The following SNX29 variants were observed in gnomAD, a reference collection of about 807,000 sequenced individuals.
SNX29 encodes sorting nexin-29.
A neutral mutation model predicts 102.1 loss-of-function variants in SNX29; 78 were observed. The observed-to-expected ratio is 0.76, with a 90% CI of 0.64 to 0.92. SNX29 has a LOEUF of 0.92. Among genes scored for constraint, SNX29 ranks in the 40% least tolerant of loss-of-function variants. The pLI, the probability that SNX29 is intolerant of heterozygous loss-of-function variation, is 0.00. For missense variants in SNX29, 1,280 were observed against 1,061.7 expected (o/e 1.21, Z -2.86); for synonymous variants, 580 against 414.5 (o/e 1.40, Z -4.85).
intron 13 of SNX29, among the ~76,000 whole-genome samples, chr16:12,191,318 G>T (rs866383857): frequency 2.0e-5 from 3 of 152,160 alleles, no homozygotes; most frequent in Non-Finnish European, 4.4e-5. Flanking sequence ...ATGACCCCTG[G>T]TGTAGAGGAC....
chr16:12,232,502 C>G (rs1012801156), intron 14 of SNX29, among the ~76,000 whole-genome samples: 1 of 152,206 alleles, frequency 6.6e-6, no homozygotes, highest in African/African-American at 2.4e-5. Context: ...GGCTGGGCCA[C>G]ATAGTGAGAC....
intron 15 of SNX29, among the ~76,000 whole-genome samples, chr16:12,307,161 T>C (rs2080363486): frequency 6.6e-6 from 1 of 152,244 alleles, no homozygotes. Flanking sequence ...TCAACTGGAA[T>C]GGCTTTGATA....
intron 19 of SNX29, among the ~76,000 whole-genome samples, chr16:12,495,308 C>T (rs1377022914): frequency 3.9e-5 from 6 of 152,082 alleles, no homozygotes; most frequent in Admixed American, 6.5e-5. Flanking sequence ...TGCACCACCA[C>T]GTCCAGCTAG....
At chr16:12,382,939 T>C (rs1343935133) in intron 16 of SNX29, among the ~76,000 whole-genome samples, 1 of 152,030 alleles carries the variant, frequency 6.6e-6, no homozygotes, top group Non-Finnish European at 1.5e-5. Flanking sequence ...ATCTCAAGAG[T>C]CTGAATTACA....
chr16:12,449,909 C>T (rs747445476), intron 18 of SNX29, among the ~76,000 whole-genome samples: 1 of 152,198 alleles, frequency 6.6e-6, no homozygotes, highest in Non-Finnish European at 1.5e-5. Flanking sequence ...CCACCCATAT[C>T]TCATCTTGAG....
intron 20 of SNX29, among the ~76,000 whole-genome samples, chr16:12,553,527 G>C (rs1254226974): frequency 6.6e-6 from 1 of 152,178 alleles, no homozygotes; most frequent in African/African-American, 2.4e-5. Flanking sequence ...TGCTGGAGGA[G>C]GGACCCCACA....
rs2055488483 is a variant in SNX29 at position 11,983,814 on chromosome 16, A to G, written c.7+7001A>G. The G allele has an allele frequency of 2.1e-5, 12 of 563,130 alleles. No individual in the cohort carries two copies. The South Asian group carries it at 4.7e-4, about 22-fold the overall frequency. 34.9% of individuals were successfully genotyped at this position (563,130 alleles called of 1,614,324 possible). A position where few individuals can be genotyped will look rare whatever the true frequency, so the allele number is the denominator to read the frequency against. On this transcript the variant is annotated intron_variant, in intron 1 of 20. Coordinates refer to ENST00000566228, the MANE Select transcript of SNX29 (RefSeq NM_032167.5). The stretch of plus-strand genomic sequence containing the variant: ...TGTGGCAATGTGAGCATATTTCCAG[A>G]TAAAGCACCTTCCATCTGCCACTGT...
chr16:12,379,973 G>A (rs530939454), intron 16 of SNX29, among the ~76,000 whole-genome samples: 1 of 152,212 alleles, frequency 6.6e-6, no homozygotes, highest in South Asian at 2.1e-4. Context: ...CTTCAGTATT[G>A]AATGTCACAG....
intron 1 of SNX29, among the ~76,000 whole-genome samples, chr16:11,985,285 A>G (rs1421240355): frequency 6.6e-6 from 1 of 152,156 alleles, no homozygotes; most frequent in Non-Finnish European, 1.5e-5. Context: ...ATCACTTATC[A>G]AAAGGTTGTT....
rs547499670 is a variant in SNX29 at position 12,342,932 on chromosome 16, G to A, written c.1783-13231G>A. Among the ~76,000 whole-genome samples the A allele has an allele frequency of 3.2e-4, 48 of 152,318 alleles. No individual in the cohort carries two copies. The South Asian group carries it at 9.9e-3, about 32-fold the overall frequency. Reference sequence around the variant, plus strand: ...ACCCCTTCCTGGGAGGAGCAAGCCAGCCTTTACCTGAAGGAGGCTCTTGGC... The same window carrying A: ...ACCCCTTCCTGGGAGGAGCAAGCCAACCTTTACCTGAAGGAGGCTCTTGGC... On this transcript the variant is annotated intron_variant, in intron 15 of 20. Transcript: ENST00000566228.
At position 12,526,001 on chromosome 16, in the gene SNX29, C is replaced by T. The variant is rs111522099; in HGVS notation, c.2318+1160C>T. ...TTAGGGGAACCAAAACCATCAAGCC[C>T]GACTTGGTTTTTATGGTCTTCAGAT... On this transcript the variant is annotated intron_variant, in intron 20 of 20. Coordinates refer to ENST00000566228, the MANE Select transcript of SNX29 (RefSeq NM_032167.5). 1.6e-3 allele frequency among the ~76,000 whole-genome samples: 248 copies of T among 152,150 alleles called. 1 individual carries two copies. Among genetic ancestry groups the T allele is most frequent in the African/African-American group, 5.7e-3 (236 of 41,484 alleles).
At chr16:12,073,684 C>T (rs1163465516) in intron 10 of SNX29, among the ~76,000 whole-genome samples, 1 of 152,200 alleles carries the variant, frequency 6.6e-6, no homozygotes, top group Non-Finnish European at 1.5e-5. Context: ...TCTATTAGAT[C>T]TGCTTGGTGC....
At chr16:12,478,280 A>G (rs1290910690) in intron 19 of SNX29, among the ~76,000 whole-genome samples, 2 of 152,334 alleles carry the variant, frequency 1.3e-5, no homozygotes, top group Non-Finnish European at 1.5e-5. Flanking sequence ...GATTTGGCCT[A>G]TAGGTTAGTT....
intron 4 of SNX29, among the ~76,000 whole-genome samples, chr16:12,028,646 G>C (rs1216689030): frequency 2.0e-5 from 3 of 151,982 alleles, no homozygotes; most frequent in African/African-American, 7.3e-5. Context: ...TTACAAATGT[G>C]AGACACTGTG....
chr16:12,132,144 G>C (rs1273392527), intron 13 of SNX29, among the ~76,000 whole-genome samples: 2 of 151,638 alleles, frequency 1.3e-5, no homozygotes, highest in Non-Finnish European at 2.9e-5. Flanking sequence ...TCGTGCCCAG[G>C]CTGGAGTGCA....
At chr16:12,363,871 C>A (rs140121334) in intron 16 of SNX29, among the ~76,000 whole-genome samples, 237 of 152,296 alleles carry the variant, frequency 1.6e-3, no homozygotes, top group African/African-American at 5.5e-3. Context: ...ATCCAAAAAT[C>A]TGAAATCTGA....
At chr16:12,478,871 C>G (rs1312152315) in intron 19 of SNX29, among the ~76,000 whole-genome samples, 1 of 152,154 alleles carries the variant, frequency 6.6e-6, no homozygotes, top group South Asian at 2.1e-4. Flanking sequence ...ACTCTGCGAC[C>G]AAACTGGAGA....
intron 20 of SNX29, chr16:12,561,207 C>T (rs942048305): frequency 3.5e-5 from 8 of 230,730 alleles, no homozygotes; most frequent in East Asian, 1.2e-4. Context: ...ATCAGGACCC[C>T]CGCAGCCATG....
intron 14 of SNX29, among the ~76,000 whole-genome samples, chr16:12,236,707 G>C (rs2077945554): frequency 6.6e-6 from 1 of 152,206 alleles, no homozygotes; most frequent in Non-Finnish European, 1.5e-5. Context: ...GTACCACAGT[G>C]AACACTTTGA....
Sources: gnomAD v4.1 joint callset for allele counts (sites outside exome capture counted in the v4.1 genomes callset) on GRCh38, gnomAD v4.1.1 for gene constraint, MANE v1.5 for transcripts, NCBI Gene and HGNC (gene_info 2026-07-23, HGNC 2026-07-21) for gene names.